The following RGS6 variants were observed in gnomAD, a reference collection of about 807,000 sequenced individuals.
The protein encoded by RGS6 is regulator of G protein signaling 6.
Under a neutral mutation model 78.5 loss-of-function variants are expected in RGS6, and 30 were observed. That is an observed-to-expected ratio of 0.38 (90% CI 0.29 to 0.52). The LOEUF is 0.52. Among genes scored for constraint, RGS6 ranks in the 20% least tolerant of loss-of-function variants. RGS6 has a pLI of 0.85. For missense variants in RGS6, 495 were observed against 609.7 expected (o/e 0.81, Z 1.98); for synonymous variants, 206 against 206.0 (o/e 1.00, Z 0.00).
At chr14:72,061,367 T>C (rs934974201) in intron 2 of RGS6, among the ~76,000 whole-genome samples, 4 of 152,298 alleles carry the variant, frequency 2.6e-5, no homozygotes, top group Admixed American at 2.6e-4. Context: ...CTGATTCTTA[T>C]AGGGAATCAG....
chr14:72,465,171 G>A (rs1311458798), intron 6 of RGS6, among the ~76,000 whole-genome samples: 9 of 152,192 alleles, frequency 5.9e-5, no homozygotes, highest in Non-Finnish European at 1.3e-4. Flanking sequence ...AGAAGAAGTT[G>A]ATGAGATAAG....
chr14:72,436,772 C>A (rs746592248), intron 3 of RGS6, among the ~76,000 whole-genome samples: 2 of 152,104 alleles, frequency 1.3e-5, no homozygotes, highest in African/African-American at 4.8e-5. Flanking sequence ...CAATCAAAAC[C>A]AATGTCTGTA....
At chr14:72,249,973 A>G (rs2055218674) in intron 2 of RGS6, among the ~76,000 whole-genome samples, 1 of 151,656 alleles carries the variant, frequency 6.6e-6, no homozygotes, top group Admixed American at 6.6e-5. Context: ...CATCATTCTC[A>G]GTAAGCTGTC....
In RGS6 at chr14:71,983,542, G is replaced by A. The variant is rs116249064; in HGVS notation, c.84+18667G>A. Among the ~76,000 whole-genome samples the A allele has an allele frequency of 3.3e-3, 505 of 152,276 alleles. 5 individuals are homozygous for A. Among genetic ancestry groups the A allele is most frequent in the African/African-American group, 0.011 (463 of 41,546 alleles). ...GGCTACGCTCCATTTGAAGGCTTAGGGAAGTCCCCTTTCTTGCCTCTTCCA... is the reference window on the plus strand; with the variant it reads ...GGCTACGCTCCATTTGAAGGCTTAGAGAAGTCCCCTTTCTTGCCTCTTCCA... On this transcript the variant is annotated intron_variant, in intron 2 of 17. Transcript: ENST00000553525.
At chr14:72,308,247 T>C (rs568091414) in intron 2 of RGS6, among the ~76,000 whole-genome samples, 1 of 152,212 alleles carries the variant, frequency 6.6e-6, no homozygotes, top group African/African-American at 2.4e-5. Context: ...TTAACAAAAA[T>C]GCTTCTGTAG....
intron 13 of RGS6, among the ~76,000 whole-genome samples, chr14:72,499,127 C>G (rs529964509): frequency 2.0e-4 from 30 of 152,286 alleles, no homozygotes; most frequent in African/African-American, 7.0e-4. Flanking sequence ...AAGGTACTCC[C>G]CAACAAGTCG....
At chr14:72,526,218 C>T (rs1348093541) in intron 15 of RGS6, among the ~76,000 whole-genome samples, 3 of 152,026 alleles carry the variant, frequency 2.0e-5, no homozygotes, top group Non-Finnish European at 4.4e-5. Flanking sequence ...ATTCTCTTGC[C>T]TCAGCCTCCT....
At chr14:72,299,637 C>A (rs2065631148) in intron 2 of RGS6, among the ~76,000 whole-genome samples, 1 of 152,218 alleles carries the variant, frequency 6.6e-6, no homozygotes, top group Non-Finnish European at 1.5e-5. Flanking sequence ...TCCTTGCTAA[C>A]ACTTGGTGTC....
chr14:72,177,172 A>G (rs1198166936), intron 2 of RGS6, among the ~76,000 whole-genome samples: 1 of 152,130 alleles, frequency 6.6e-6, no homozygotes, highest in African/African-American at 2.4e-5. Flanking sequence ...GTTTTTTTCA[A>G]ATGAAACTGC....
At chr14:71,984,859 G>T (rs901056972) in intron 2 of RGS6, among the ~76,000 whole-genome samples, 1 of 151,892 alleles carries the variant, frequency 6.6e-6, no homozygotes, top group East Asian at 1.9e-4. Context: ...AGAAATAATC[G>T]CTTTCCATTT....
chr14:72,008,771 T>C (rs1295607303), intron 2 of RGS6, among the ~76,000 whole-genome samples: 1 of 152,298 alleles, frequency 6.6e-6, no homozygotes, highest in East Asian at 1.9e-4. Context: ...AGGCTTCAGA[T>C]GATGCAGACC....
At chr14:72,599,406 T>G in the RGS6 span, among the ~76,000 whole-genome samples, 4 of 114,184 alleles carry the variant, frequency 3.5e-5, 1 homozygote, top group Admixed American at 8.8e-5. Flanking sequence ...TTTTTTTTTT[T>G]TTTTTTTTTT....
chr14:71,940,110 A>C (rs1220357567), intron 1 of RGS6, among the ~76,000 whole-genome samples: 2 of 152,218 alleles, frequency 1.3e-5, no homozygotes, highest in African/African-American at 4.8e-5. Flanking sequence ...TCTGACTTGC[A>C]TAAGCCCCTA....
chr14:72,629,365 C>T, the RGS6 span, among the ~76,000 whole-genome samples: 3 of 152,182 alleles, frequency 2.0e-5, no homozygotes, highest in Non-Finnish European at 2.9e-5. Context: ...AAATTTTGCA[C>T]TTATTATATT....
At chr14:72,323,411 T>G (rs917580245) in intron 2 of RGS6, among the ~76,000 whole-genome samples, 1 of 151,512 alleles carries the variant, frequency 6.6e-6, no homozygotes, top group Non-Finnish European at 1.5e-5. Flanking sequence ...TTATCTAAAT[T>G]AAGTTATACA....
chr14:72,106,229 GAAATT>G (rs1192491781), intron 2 of RGS6, among the ~76,000 whole-genome samples: 2 of 152,134 alleles, frequency 1.3e-5, no homozygotes, highest in Non-Finnish European at 2.9e-5. Context: ...ATTGTATTGA[GAAATT>G]AAACACAGAC....
At chr14:72,019,458 G>A (rs551376176) in intron 2 of RGS6, among the ~76,000 whole-genome samples, 44 of 152,274 alleles carry the variant, frequency 2.9e-4, no homozygotes, top group Non-Finnish European at 5.4e-4. Context: ...CAGTTCAGGA[G>A]TTTTCAACAT....
At chr14:72,118,896 A>G (rs576971664) in intron 2 of RGS6, among the ~76,000 whole-genome samples, 1 of 152,238 alleles carries the variant, frequency 6.6e-6, no homozygotes, top group African/African-American at 2.4e-5. Context: ...ATTATCCAGA[A>G]TGCTTCTCTA....
At chr14:72,362,516 C>A (rs2081644252) in intron 3 of RGS6, among the ~76,000 whole-genome samples, 2 of 152,158 alleles carry the variant, frequency 1.3e-5, no homozygotes, top group Non-Finnish European at 1.5e-5. Context: ...TCTACAGTGG[C>A]CTCACTCATT....
Sources: allele counts gnomAD v4.1 joint callset (sites outside exome capture counted in the v4.1 genomes callset), GRCh38; gene constraint gnomAD v4.1.1; transcripts MANE v1.5; gene names NCBI Gene and HGNC (gene_info 2026-07-23, HGNC 2026-07-21).